The following DIS3L2 variants were observed in gnomAD, a reference collection of about 807,000 sequenced individuals.
DIS3L2 encodes the protein DIS3 like 3'-5' exoribonuclease 2.
DIS3L2 carries 34 observed loss-of-function variants against 97.5 expected under a neutral mutation model. The ratio of observed to expected loss-of-function variants is 0.35; its 90% CI spans 0.27 to 0.46. The LOEUF (loss-of-function observed/expected upper bound fraction) is 0.46. DIS3L2 is among the 20% of genes least tolerant of loss of function. The probability of loss-of-function intolerance (pLI) is 1.00; values close to 1 mark genes in which losing one functional copy is unlikely to be tolerated. For missense variants in DIS3L2, 1,038 were observed against 1,146.0 expected, an observed-to-expected ratio of 0.91 and a Z score of 1.36; for synonymous variants, 435 against 445.2, an observed-to-expected ratio of 0.98 and a Z score of 0.29.
At chr2:231,982,185 CTTCAATA>C (rs1169681780) in intron 1 of DIS3L2, among the ~76,000 whole-genome samples, 3 of 151,990 alleles carry the variant, frequency 2.0e-5, no homozygotes, top group Non-Finnish European at 4.4e-5. Context: ...AGTGTGTAAT[CTTCAATA>C]TATTGTGGGG....
At chr2:232,176,275 T>G (rs539332707) in intron 9 of DIS3L2, among the ~76,000 whole-genome samples, 1 of 152,338 alleles carries the variant, frequency 6.6e-6, no homozygotes, top group South Asian at 2.1e-4. Flanking sequence ...TAATCCTTAT[T>G]GTTTCTGTAA....
chr2:232,159,361 C>G (rs1385553644), intron 8 of DIS3L2, among the ~76,000 whole-genome samples: 2 of 152,230 alleles, frequency 1.3e-5, no homozygotes, highest in African/African-American at 4.8e-5. Flanking sequence ...GCCATTCTAG[C>G]TGTCATGAGT....
chr2:232,163,342 C>T, intron 8 of DIS3L2, 117 bp from the exon 9 acceptor site: 1 of 959,622 alleles, frequency 1.0e-6, no homozygotes, highest in Admixed American at 2.9e-5. Flanking sequence ...CATGTTTCTA[C>T]TGGTGGAAGG....
intron 3 of DIS3L2, among the ~76,000 whole-genome samples, chr2:232,019,201 A>C (rs1694441645): frequency 6.6e-6 from 1 of 152,190 alleles, no homozygotes; most frequent in African/African-American, 2.4e-5. Context: ...GAAAAATCCT[A>C]GTCCAGGAAG....
intron 10 of DIS3L2, among the ~76,000 whole-genome samples, chr2:232,219,120 A>C (rs1203102507): frequency 6.6e-6 from 1 of 152,218 alleles, no homozygotes; most frequent in Non-Finnish European, 1.5e-5. Flanking sequence ...TAAGAACAAC[A>C]TAAACCTCCG....
At chr2:232,184,922 T>G (rs1691394643) in intron 9 of DIS3L2, among the ~76,000 whole-genome samples, 1 of 152,218 alleles carries the variant, frequency 6.6e-6, no homozygotes, top group South Asian at 2.1e-4. Flanking sequence ...CTTCATCCAT[T>G]TTCCAGGGCC....
rs758860817 is a variant in DIS3L2, at chr2:232,263,079, A to AC, written c.1426-126dup. The AC allele has an allele frequency of 2.0e-4, 195 of 992,314 alleles. 1 individual carries two copies. In the Middle Eastern group the frequency reaches 3.4e-3, roughly 17 times the overall value. 61.5% of individuals were successfully genotyped at this position (992,314 alleles called of 1,614,324 possible). A position where few individuals can be genotyped will look rare whatever the true frequency, so the allele number is the denominator to read the frequency against. On this transcript the variant is annotated intron_variant, in intron 12 of 20. Transcript: ENST00000325385. The stretch of plus-strand genomic sequence containing the variant: ...TCTGGGTGCCTAGCCTGAACCTGCC[A>AC]CCATTCCGAGCACACAGTCAGTGCT...
intron 8 of DIS3L2, among the ~76,000 whole-genome samples, chr2:232,161,866 T>C (rs905827314): frequency 1.3e-5 from 2 of 151,998 alleles, no homozygotes; most frequent in Non-Finnish European, 2.9e-5. Context: ...TCTGACTCTC[T>C]GGTTCAAGGG....
At chr2:231,968,707 A>T (rs1201765401) in intron 1 of DIS3L2, among the ~76,000 whole-genome samples, 1 of 152,246 alleles carries the variant, frequency 6.6e-6, no homozygotes, top group Admixed American at 6.5e-5. Context: ...ATATGTTTTT[A>T]TTCCTCTTGG....
At chr2:232,182,353 A>G (rs1447849638) in intron 9 of DIS3L2, among the ~76,000 whole-genome samples, 1 of 152,124 alleles carries the variant, frequency 6.6e-6, no homozygotes, top group Non-Finnish European at 1.5e-5. Flanking sequence ...TGGTGTGGAG[A>G]ATGTTCCATA....
intron 1 of DIS3L2, among the ~76,000 whole-genome samples, chr2:231,977,991 C>T (rs1480426804): frequency 6.6e-6 from 1 of 152,142 alleles, no homozygotes; most frequent in Non-Finnish European, 1.5e-5. Flanking sequence ...TGTGATACAA[C>T]TTCAGAAGAA....
At chr2:232,000,464 TC>T (rs1693845953) in intron 1 of DIS3L2, among the ~76,000 whole-genome samples, 1 of 152,092 alleles carries the variant, frequency 6.6e-6, no homozygotes, top group African/African-American at 2.4e-5. Context: ...TCTGTTCCTA[TC>T]TGTTCAACTT....
intron 12 of DIS3L2, chr2:232,260,754 T>C (rs1559179862): frequency 6.6e-6 from 1 of 152,252 alleles, no homozygotes; most frequent in Non-Finnish European, 1.5e-5. Context: ...TGATTCTTCC[T>C]TTAAGGGAGG....
At chr2:232,073,031 CTG>C (rs1292963944) in intron 5 of DIS3L2, among the ~76,000 whole-genome samples, 5 of 152,046 alleles carry the variant, frequency 3.3e-5, no homozygotes, top group Admixed American at 6.6e-5. Context: ...TTGAAAATGT[CTG>C]TAAATATGTC....
At chr2:232,275,684 A>T (rs1169927735) in intron 13 of DIS3L2, among the ~76,000 whole-genome samples, 1 of 152,256 alleles carries the variant, frequency 6.6e-6, no homozygotes, top group Non-Finnish European at 1.5e-5. Context: ...ACTTTAAAAT[A>T]TTCCTTTTGA....
chr2:232,066,636 G>A (rs1695863537), intron 5 of DIS3L2, among the ~76,000 whole-genome samples: 2 of 152,092 alleles, frequency 1.3e-5, no homozygotes, highest in African/African-American at 4.8e-5. Context: ...GAGTATGATA[G>A]GGTTGGTATT....
intron 1 of DIS3L2, among the ~76,000 whole-genome samples, chr2:231,962,192 G>A (rs957031493): frequency 1.3e-5 from 2 of 152,166 alleles, no homozygotes; most frequent in Non-Finnish European, 2.9e-5. Flanking sequence ...AATCTTGAAG[G>A]GCAGCCGCTT....
rs554867496 is a variant in DIS3L2, at chr2:232,161,929, C to T, written c.951-1530C>T. Among the ~76,000 whole-genome samples the T allele has an allele frequency of 5.9e-5, 9 of 152,068 alleles. No homozygotes were observed. In the East Asian group the frequency reaches 9.7e-4, roughly 16 times the overall value. Reference sequence around the variant, plus strand: ...CTGGGATTATAGGCACGCATCACCACGCCCAGCTAATTTTTGTATTTTTGA... The same window carrying T: ...CTGGGATTATAGGCACGCATCACCATGCCCAGCTAATTTTTGTATTTTTGA... On this transcript the variant is annotated intron_variant, in intron 8 of 20. Transcript: ENST00000325385.
chr2:232,282,443 G>A (rs1694316685), intron 13 of DIS3L2, among the ~76,000 whole-genome samples: 1 of 152,136 alleles, frequency 6.6e-6, no homozygotes, highest in South Asian at 2.1e-4. Flanking sequence ...ATGGGCCTTG[G>A]GCATATTGCT....
Sources: allele counts gnomAD v4.1 joint callset (sites outside exome capture counted in the v4.1 genomes callset), GRCh38; gene constraint gnomAD v4.1.1; transcripts MANE v1.5; gene names NCBI Gene and HGNC (gene_info 2026-07-23, HGNC 2026-07-21).